The following ROBO2 variants were observed in gnomAD, a reference collection of about 807,000 sequenced individuals.
The protein encoded by ROBO2 is roundabout homolog 2.
ROBO2 carries 53 observed loss-of-function variants against 160.8 expected under a neutral mutation model. That is an observed-to-expected ratio of 0.33 (90% CI 0.26 to 0.41). The LOEUF is 0.41. Among genes scored for constraint, ROBO2 ranks in the 10% least tolerant of loss-of-function variants. The pLI is 1.00. For missense variants in ROBO2, 1,577 were observed against 1,722.4 expected, an observed-to-expected ratio of 0.92 and a Z score of 1.49; for synonymous variants, 664 against 611.7, an observed-to-expected ratio of 1.09 and a Z score of -1.26.
chr3:76,490,066 C>A (rs1560033797), intron 2 of ROBO2, among the ~76,000 whole-genome samples: 1 of 152,152 alleles, frequency 6.6e-6, no homozygotes, highest in Non-Finnish European at 1.5e-5. Flanking sequence ...CTCCTAAATG[C>A]CAAATGCTTT....
At chr3:77,120,450 C>T (rs1333212141) in intron 2 of ROBO2, among the ~76,000 whole-genome samples, 1 of 152,128 alleles carries the variant, frequency 6.6e-6, no homozygotes, top group African/African-American at 2.4e-5. Context: ...TCTCATAAAA[C>T]TGATCATATG....
At chr3:77,389,872 G>A (rs2074536711) in intron 2 of ROBO2, among the ~76,000 whole-genome samples, 2 of 152,098 alleles carry the variant, frequency 1.3e-5, no homozygotes, top group South Asian at 2.1e-4. Flanking sequence ...AAATCCAGAT[G>A]AGGATAAAGA....
intron 2 of ROBO2, among the ~76,000 whole-genome samples, chr3:76,579,574 A>G (rs2085520499): frequency 6.6e-6 from 1 of 152,108 alleles, no homozygotes; most frequent in Non-Finnish European, 1.5e-5. Context: ...ATATTACCTG[A>G]GAAAGAGTGA....
At chr3:76,441,548 G>T (rs377541563) in intron 2 of ROBO2, among the ~76,000 whole-genome samples, 1 of 152,178 alleles carries the variant, frequency 6.6e-6, no homozygotes, top group Non-Finnish European at 1.5e-5. Flanking sequence ...TTAAACACCT[G>T]CAGAATGAGG....
chr3:77,097,666 C>G (rs925848417), intron 1 of ROBO2, among the ~76,000 whole-genome samples: 1 of 152,118 alleles, frequency 6.6e-6, no homozygotes, highest in South Asian at 2.1e-4. Flanking sequence ...CTTTCTTCCC[C>G]AGTGTATAAT....
intron 2 of ROBO2, among the ~76,000 whole-genome samples, chr3:77,122,800 C>T (rs963865479): frequency 2.0e-5 from 3 of 152,198 alleles, no homozygotes; most frequent in African/African-American, 7.2e-5. Flanking sequence ...AGGCCAATGA[C>T]ATAATGTCGA....
chr3:77,311,365 A>T (rs1311810867), intron 2 of ROBO2, among the ~76,000 whole-genome samples: 1 of 152,190 alleles, frequency 6.6e-6, no homozygotes, highest in Non-Finnish European at 1.5e-5. Context: ...GATTCCACAG[A>T]TAAACTGTAT....
At chr3:77,439,357 G>T (rs765687974) in intron 2 of ROBO2, among the ~76,000 whole-genome samples, 1 of 151,984 alleles carries the variant, frequency 6.6e-6, no homozygotes, top group Non-Finnish European at 1.5e-5. Context: ...TAAAAAGGAG[G>T]ACTATGTCAT....
intron 2 of ROBO2, among the ~76,000 whole-genome samples, chr3:76,653,856 A>G (rs1380486306): frequency 1.3e-5 from 2 of 152,182 alleles, no homozygotes; most frequent in South Asian, 2.1e-4. Flanking sequence ...ATTAGTTACC[A>G]CCGAAGATTC....
intron 2 of ROBO2, among the ~76,000 whole-genome samples, chr3:76,076,564 C>A (rs536353476): frequency 6.6e-6 from 1 of 152,072 alleles, no homozygotes; most frequent in African/African-American, 2.4e-5. Context: ...ATTTAACCTG[C>A]GTAAAGTCTT....
intron 2 of ROBO2, among the ~76,000 whole-genome samples, chr3:76,607,054 T>C (rs1306270140): frequency 6.6e-6 from 1 of 152,218 alleles, no homozygotes; most frequent in Non-Finnish European, 1.5e-5. Flanking sequence ...TTTTTAAAAA[T>C]ATTTTAAAGA....
At chr3:76,358,970 A>T (rs1559818061) in intron 2 of ROBO2, among the ~76,000 whole-genome samples, 1 of 122,800 alleles carries the variant, frequency 8.1e-6, no homozygotes, top group South Asian at 2.6e-4. Context: ...CCCCTTCCTG[A>T]GTCCATGTGT....
intron 2 of ROBO2, among the ~76,000 whole-genome samples, chr3:76,087,890 T>G (rs765094029): frequency 1.3e-5 from 2 of 152,042 alleles, no homozygotes; most frequent in Non-Finnish European, 2.9e-5. Context: ...ATTTTAATTC[T>G]AATTAATATG....
At chr3:76,129,713 G>A (rs2071150980) in intron 2 of ROBO2, among the ~76,000 whole-genome samples, 1 of 151,066 alleles carries the variant, frequency 6.6e-6, no homozygotes, top group East Asian at 1.9e-4. Flanking sequence ...TAAAACATTA[G>A]GAGATGTGCC....
Position 77,148,768 on chromosome 3 carries a change from T to C in ROBO2, c.388+50428T>C, listed in dbSNP as rs190888910. ...AAAATATTGACTCTATTACATAATA[T>C]AGTTATGGTTAACAAAATAAATCTA... On this transcript the variant is annotated intron_variant, in intron 2 of 25. Transcript: ENST00000461745. Among the ~76,000 whole-genome samples, 690 of 152,338 alleles carry C rather than the reference T, an allele frequency of 4.5e-3. 7 individuals carry two copies. The highest frequency in any genetic ancestry group is 0.014 in the African/African-American group (601 of 41,574).
At chr3:77,591,464 T>C (rs2094178708) in intron 17 of ROBO2, among the ~76,000 whole-genome samples, 1 of 152,182 alleles carries the variant, frequency 6.6e-6, no homozygotes, top group Non-Finnish European at 1.5e-5. Context: ...TGTGAGGTAA[T>C]ATTAGAGTTA....
intron 2 of ROBO2, among the ~76,000 whole-genome samples, chr3:76,813,972 C>T (rs1467152858): frequency 6.6e-6 from 1 of 151,960 alleles, no homozygotes; most frequent in African/African-American, 2.4e-5. Context: ...ATAATAGAAA[C>T]TTGATCAAAG....
chr3:76,511,818 G>C (rs2081104350), intron 2 of ROBO2, among the ~76,000 whole-genome samples: 1 of 152,196 alleles, frequency 6.6e-6, no homozygotes, highest in African/African-American at 2.4e-5. Context: ...ATGCAAAACA[G>C]ATACCTTCGG....
At chr3:76,957,648 T>C (rs1266855629) in intron 2 of ROBO2, among the ~76,000 whole-genome samples, 1 of 151,746 alleles carries the variant, frequency 6.6e-6, no homozygotes, top group East Asian at 1.9e-4. Flanking sequence ...CTGACCAACA[T>C]GATGAAACCC....
Sources: allele counts gnomAD v4.1 joint callset (sites outside exome capture counted in the v4.1 genomes callset), GRCh38; gene constraint gnomAD v4.1.1; transcripts MANE v1.5; gene names NCBI Gene and HGNC (gene_info 2026-07-23, HGNC 2026-07-21).